ARHGAP6: variants seen among roughly 807,000 people sequenced by gnomAD.
The protein encoded by ARHGAP6 is Rho GTPase activating protein 6.
A neutral mutation model predicts 55.7 loss-of-function variants in ARHGAP6; 16 were observed. The observed-to-expected ratio is 0.29, with a 90% confidence interval of 0.19 to 0.44. The LOEUF (loss-of-function observed/expected upper bound fraction) is 0.44. Among genes scored for constraint, ARHGAP6 ranks in the 20% least tolerant of loss-of-function variants. ARHGAP6 has a pLI of 1.00. For synonymous variants in ARHGAP6, 382 were observed against 360.9 expected, an observed-to-expected ratio of 1.06 and a Z score of -0.66; for missense variants, 698 against 808.9, an observed-to-expected ratio of 0.86 and a Z score of 1.66.
At position 11,639,708 on chromosome X, in the gene ARHGAP6, A is replaced by G. The variant is rs57791731; in HGVS notation, c.588+24533T>C. Reference sequence around the variant, plus strand: ...ATCTGTGAGAGAAAAAGAAATAGATAAATTAAGAGAGATGGGGGATTGAGA... The same window carrying G: ...ATCTGTGAGAGAAAAAGAAATAGATGAATTAAGAGAGATGGGGGATTGAGA... On this transcript the variant is annotated intron_variant, in intron 1 of 12. Coordinates refer to ENST00000337414, the MANE Select transcript of ARHGAP6 (RefSeq NM_013427.3). Among the ~76,000 whole-genome samples, 3 of 110,849 alleles carry G rather than the reference A, an allele frequency of 2.7e-5. No homozygotes were observed. The East Asian group carries it at 8.5e-4, about 31-fold the overall frequency.
intron 1 of ARHGAP6, among the ~76,000 whole-genome samples, chrX:11,311,255 T>TCATC (rs1446031387): frequency 8.9e-6 from 1 of 112,313 alleles, no homozygotes; most frequent in Non-Finnish European, 1.9e-5. Flanking sequence ...TGTAATTTTA[T>TCATC]CATCCACTAA....
intron 1 of ARHGAP6, among the ~76,000 whole-genome samples, chrX:11,483,326 C>T (rs2050477849): frequency 1.8e-5 from 2 of 112,251 alleles, no homozygotes; most frequent in South Asian, 7.5e-4. Flanking sequence ...AACTCCGTCG[C>T]TTCTTGCCAA....
At chrX:11,170,931 G>A (rs1236888341) in intron 8 of ARHGAP6, among the ~76,000 whole-genome samples, 3 of 111,020 alleles carry the variant, frequency 2.7e-5, no homozygotes, top group Non-Finnish European at 5.7e-5. Context: ...CTGTGGCAGA[G>A]GGTCATCGAG....
intron 1 of ARHGAP6, among the ~76,000 whole-genome samples, chrX:11,658,860 G>A (rs1480295203): frequency 9.1e-6 from 1 of 109,389 alleles, no homozygotes; most frequent in Non-Finnish European, 1.9e-5. Context: ...TTTGTTTGTG[G>A]GGGCTGTTGT....
chrX:11,246,638 A>G (rs1275972762), intron 2 of ARHGAP6, among the ~76,000 whole-genome samples: 1 of 112,040 alleles, frequency 8.9e-6, no homozygotes. Context: ...TTGTGTGAAG[A>G]TCACAGAAAA....
At chrX:11,225,440 TGAATATATATAA>T (rs779195377) in intron 2 of ARHGAP6, among the ~76,000 whole-genome samples, 2 of 110,886 alleles carry the variant, frequency 1.8e-5, no homozygotes, top group South Asian at 7.8e-4. Context: ...ACATACATGT[TGAATATATATAA>T]GAAAGAATAT....
At position 11,664,996 on chromosome X, in the gene ARHGAP6, C is replaced by G; in HGVS notation, c.-168G>C. On this transcript the variant is annotated 5_prime_UTR_variant, in exon 1 of 13. Transcript: ENST00000337414. Reference sequence around the variant, plus strand: ...CAGCTCACGCGCCGCCGGTGCGCTCCAAGTGCCCCGGCGGCGGCAGGAGCA... The same window carrying G: ...CAGCTCACGCGCCGCCGGTGCGCTCGAAGTGCCCCGGCGGCGGCAGGAGCA... The G allele has an allele frequency of 2.3e-6, 1 of 437,186 alleles. No homozygotes were observed. Among genetic ancestry groups the G allele is most frequent in the Non-Finnish European group, 3.7e-6 (1 of 269,505 alleles). 36.0% of individuals were successfully genotyped at this position (437,186 alleles called of 1,213,427 possible).
intron 1 of ARHGAP6, among the ~76,000 whole-genome samples, chrX:11,519,331 C>T (rs2050886362): frequency 9.1e-6 from 1 of 110,170 alleles, no homozygotes; most frequent in Non-Finnish European, 1.9e-5. Flanking sequence ...GCCATTCTAA[C>T]TGGTGTGAGA....
At chrX:11,518,301 T>C (rs1274140206) in intron 1 of ARHGAP6, among the ~76,000 whole-genome samples, 2 of 109,938 alleles carry the variant, frequency 1.8e-5, no homozygotes, top group Non-Finnish European at 3.8e-5. Flanking sequence ...CCACCACACT[T>C]GGCTATTATT....
At chrX:11,220,172 C>T (rs4641224) in intron 2 of ARHGAP6, among the ~76,000 whole-genome samples, 17,772 of 109,164 alleles carry the variant, frequency 0.16, 1,213 homozygotes, top group Middle Eastern at 0.24. Flanking sequence ...TTGTTTTTCT[C>T]AGGTTTGTCA....
intron 1 of ARHGAP6, among the ~76,000 whole-genome samples, chrX:11,630,632 G>A (rs1601713167): frequency 8.9e-6 from 1 of 112,248 alleles, no homozygotes; most frequent in South Asian, 3.7e-4. Flanking sequence ...TGGATGGATG[G>A]ATGGATGGAT....
At chrX:11,246,428 G>A (rs1319315938) in intron 2 of ARHGAP6, among the ~76,000 whole-genome samples, 1 of 111,755 alleles carries the variant, frequency 8.9e-6, no homozygotes, top group Non-Finnish European at 1.9e-5. Flanking sequence ...GGAGAAAGGT[G>A]ATCGATGCTC....
At chrX:11,375,581 G>C (rs1226795920) in intron 1 of ARHGAP6, among the ~76,000 whole-genome samples, 1 of 111,930 alleles carries the variant, frequency 8.9e-6, no homozygotes, top group Non-Finnish European at 1.9e-5. Flanking sequence ...TTTAGCAGGA[G>C]CTCCAAAAGG....
At chrX:11,592,967 G>A (rs951045634) in intron 1 of ARHGAP6, among the ~76,000 whole-genome samples, 4 of 111,653 alleles carry the variant, frequency 3.6e-5, no homozygotes, top group African/African-American at 1.3e-4. Context: ...CAGAAGTAAT[G>A]TCTCTGAGTA....
rs188710320 is a variant in ARHGAP6 at position 11,324,095 on chromosome X, C to T, written c.589-69388G>A. ...AAAAATTAAAGTCAAGCAAACTTTACGCCCTAAAGTTACCAAAACCATTGC... is the reference window on the plus strand; with the variant it reads ...AAAAATTAAAGTCAAGCAAACTTTATGCCCTAAAGTTACCAAAACCATTGC... On this transcript the variant is annotated intron_variant, in intron 1 of 12. Transcript: ENST00000337414. Among the ~76,000 whole-genome samples the T allele has an allele frequency of 3.7e-3, 418 of 111,572 alleles. 1 individual carries two copies. Among genetic ancestry groups the T allele is most frequent in the Middle Eastern group, 0.014 (3 of 218 alleles).
At chrX:11,404,325 C>A (rs2049585365) in intron 1 of ARHGAP6, among the ~76,000 whole-genome samples, 1 of 111,456 alleles carries the variant, frequency 9.0e-6, no homozygotes, top group African/African-American at 3.3e-5. Context: ...AAATCCGATT[C>A]TACATAATCC....
chrX:11,154,213 G>A (rs1004791653), intron 10 of ARHGAP6, among the ~76,000 whole-genome samples: 18 of 111,501 alleles, frequency 1.6e-4, no homozygotes, highest in African/African-American at 3.6e-4. Flanking sequence ...CCAGTCTATC[G>A]TTGTTGGACA....
intron 1 of ARHGAP6, among the ~76,000 whole-genome samples, chrX:11,642,172 T>C (rs772512441): frequency 1.5e-4 from 17 of 111,647 alleles, no homozygotes; most frequent in African/African-American, 5.5e-4. Flanking sequence ...TTGGAAACAA[T>C]CCACAGAATT....
chrX:11,457,609 A>G (rs758828645), intron 1 of ARHGAP6, among the ~76,000 whole-genome samples: 2 of 111,836 alleles, frequency 1.8e-5, no homozygotes, highest in Non-Finnish European at 3.8e-5. Context: ...ACTGCCTTTC[A>G]ATAGAGGTCA....
Sources: gnomAD v4.1 joint callset for allele counts (sites outside exome capture counted in the v4.1 genomes callset) on GRCh38, gnomAD v4.1.1 for gene constraint, MANE v1.5 for transcripts, NCBI Gene and HGNC (gene_info 2026-07-23, HGNC 2026-07-21) for gene names.